WWOX: variants seen among roughly 807,000 people sequenced by gnomAD.
The protein encoded by WWOX is WW domain-containing oxidoreductase.
WWOX carries 69 observed loss-of-function variants against 46.2 expected under a neutral mutation model. The ratio of observed to expected loss-of-function variants is 1.49; its 90% CI spans 1.23 to 1.82. WWOX has a LOEUF of 1.82. Ranked by LOEUF, WWOX falls within the 40% of genes most tolerant of loss-of-function variation. The pLI, the probability that WWOX is intolerant of heterozygous loss-of-function variation, is 0.00. For missense variants in WWOX, 919 were observed against 542.6 expected (o/e 1.69, Z -6.89); for synonymous variants, 359 against 202.6 (o/e 1.77, Z -6.56).
intron 8 of WWOX, among the ~76,000 whole-genome samples, chr16:78,649,526 C>T (rs1416777557): frequency 1.3e-5 from 2 of 152,152 alleles, no homozygotes; most frequent in Non-Finnish European, 2.9e-5. Flanking sequence ...ATCCTCCTGC[C>T]TCGGCCTCCC....
intron 5 of WWOX, among the ~76,000 whole-genome samples, chr16:78,173,290 C>T (rs138479861): frequency 6.6e-6 from 1 of 151,870 alleles, no homozygotes; most frequent in Non-Finnish European, 1.5e-5. Context: ...TCATCTCTCT[C>T]TCTCTTTTCT....
chr16:78,382,182 C>G (rs1853221472), intron 5 of WWOX, among the ~76,000 whole-genome samples: 1 of 152,122 alleles, frequency 6.6e-6, no homozygotes, highest in Non-Finnish European at 1.5e-5. Context: ...TTGTTCCTCA[C>G]TTTCTGTTTT....
chr16:78,771,480 G>A (rs1190807587), intron 8 of WWOX, among the ~76,000 whole-genome samples: 2 of 152,152 alleles, frequency 1.3e-5, no homozygotes, highest in African/African-American at 2.4e-5. Flanking sequence ...CCTTAAAAAT[G>A]CTTAAAATGC....
chr16:79,208,923 A>G (rs2051615937), intron 8 of WWOX, among the ~76,000 whole-genome samples: 1 of 152,238 alleles, frequency 6.6e-6, no homozygotes, highest in South Asian at 2.1e-4. Flanking sequence ...AAGGGAGGAA[A>G]GTAGAGTGAG....
At chr16:78,853,143 T>G (rs2052488581) in intron 8 of WWOX, among the ~76,000 whole-genome samples, 1 of 152,246 alleles carries the variant, frequency 6.6e-6, no homozygotes, top group East Asian at 1.9e-4. Flanking sequence ...TACTATACGT[T>G]ATAACAATAT....
chr16:79,061,249 A>G (rs1454716341), intron 8 of WWOX, among the ~76,000 whole-genome samples: 1 of 152,172 alleles, frequency 6.6e-6, no homozygotes, highest in Non-Finnish European at 1.5e-5. Context: ...TCTGGATTCC[A>G]AATTTATGGT....
At chr16:79,090,718 G>C (rs904081033) in intron 8 of WWOX, among the ~76,000 whole-genome samples, 2 of 152,208 alleles carry the variant, frequency 1.3e-5, no homozygotes, top group East Asian at 3.9e-4. Context: ...CACATGCTCG[G>C]CGGGGCCCAG....
intron 8 of WWOX, among the ~76,000 whole-genome samples, chr16:78,822,364 T>C (rs953745591): frequency 1.3e-4 from 20 of 152,102 alleles, no homozygotes; most frequent in African/African-American, 1.7e-4. Flanking sequence ...TGTGGTGGCA[T>C]GTGCCTGTAA....
At chr16:78,432,268 G>T (rs778813544) in intron 7 of WWOX, among the ~76,000 whole-genome samples, 8 of 151,872 alleles carry the variant, frequency 5.3e-5, no homozygotes, top group Non-Finnish European at 8.8e-5. Context: ...ACCACACCTG[G>T]CTAATTTTTG....
In WWOX at chr16:78,706,162, A is replaced by G. The variant is rs766470067; in HGVS notation, c.1056+273410A>G. On this transcript the variant is annotated intron_variant, in intron 8 of 8. Transcript: ENST00000566780. ...TTCTTAATTAAGGCATTTCCATCTT[A>G]TCAAGCCCCCTATTTAATAAGGATA... Among the ~76,000 whole-genome samples the G allele has an allele frequency of 2.1e-3, 300 of 143,200 alleles. 1 individual carries two copies. The highest frequency in any genetic ancestry group is 5.3e-3 in the Admixed American group (69 of 13,046). The allele number at this position is 143,200 out of a possible 152,430, so 93.9% of individuals were successfully genotyped here.
chr16:79,210,268 G>A (rs73569316), intron 8 of WWOX, among the ~76,000 whole-genome samples: 12,140 of 152,158 alleles, frequency 0.08, 719 homozygotes, highest in African/African-American at 0.16. Flanking sequence ...ACCCAAGTCT[G>A]CCTTATGGCA....
chr16:79,049,133 T>C (rs1451415741), intron 8 of WWOX, among the ~76,000 whole-genome samples: 2 of 152,236 alleles, frequency 1.3e-5, no homozygotes, highest in African/African-American at 2.4e-5. Context: ...GCAAATATTT[T>C]AGACTTTGTG....
chr16:78,671,227 A>G (rs1329448726), intron 8 of WWOX, among the ~76,000 whole-genome samples: 1 of 152,130 alleles, frequency 6.6e-6, no homozygotes, highest in Non-Finnish European at 1.5e-5. Flanking sequence ...GTTCGAGACC[A>G]GCCTGGGCAA....
intron 6 of WWOX, among the ~76,000 whole-genome samples, chr16:78,414,030 A>C (rs1017751045): frequency 6.6e-6 from 1 of 151,986 alleles, no homozygotes; most frequent in African/African-American, 2.4e-5. Context: ...ACATTCCATC[A>C]GTGTGATTTG....
intron 8 of WWOX, among the ~76,000 whole-genome samples, chr16:78,799,852 A>G (rs894650719): frequency 3.3e-5 from 5 of 152,206 alleles, no homozygotes; most frequent in East Asian, 1.9e-4. Flanking sequence ...TTTTAAATGC[A>G]TATTAGTCAA....
At chr16:78,248,461 G>A (rs1415674538) in intron 5 of WWOX, among the ~76,000 whole-genome samples, 4 of 152,130 alleles carry the variant, frequency 2.6e-5, no homozygotes, top group African/African-American at 4.8e-5. Flanking sequence ...TGAAGGCTGG[G>A]TGCGGTGGCA....
At chr16:78,798,471 C>T (rs772166473) in intron 8 of WWOX, among the ~76,000 whole-genome samples, 6 of 151,988 alleles carry the variant, frequency 3.9e-5, no homozygotes, top group African/African-American at 1.4e-4. Flanking sequence ...TTGTTATGTA[C>T]TCATGCCCCA....
chr16:78,654,049 G>A (rs1385508658), intron 8 of WWOX, among the ~76,000 whole-genome samples: 1 of 152,194 alleles, frequency 6.6e-6, no homozygotes, highest in African/African-American at 2.4e-5. Context: ...AGAAATTTCT[G>A]AAGTCGTCAT....
intron 8 of WWOX, among the ~76,000 whole-genome samples, chr16:78,802,937 AAAAAAC>A (rs1567570824): frequency 4.0e-5 from 4 of 99,524 alleles, no homozygotes; most frequent in African/African-American, 1.8e-4. Context: ...AAAAAAAAAA[AAAAAAC>A]AACAAACAGA....
Sources: allele counts gnomAD v4.1 joint callset (sites outside exome capture counted in the v4.1 genomes callset), GRCh38; gene constraint gnomAD v4.1.1; transcripts MANE v1.5; gene names NCBI Gene and HGNC (gene_info 2026-07-23, HGNC 2026-07-21).